CFAP65: variants seen among roughly 807,000 people sequenced by gnomAD.
CFAP65 encodes the protein cilia and flagella associated protein 65.
Under a neutral mutation model 208.0 loss-of-function variants are expected in CFAP65, and 155 were observed. That is an observed-to-expected ratio of 0.75 (90% CI 0.65 to 0.85). CFAP65 has a LOEUF of 0.85. CFAP65 is among the 40% of genes least tolerant of loss of function. CFAP65 has a pLI of 0.00. For synonymous variants in CFAP65, 970 were observed against 986.3 expected, an observed-to-expected ratio of 0.98 and a Z score of 0.31; for missense variants, 2,294 against 2,451.3, an observed-to-expected ratio of 0.94 and a Z score of 1.36.
At chr2:219,035,051 G>A (rs1182587630) in intron 5 of CFAP65, 1 of 325,346 alleles carries the variant, frequency 3.1e-6, no homozygotes, top group Admixed American at 4.7e-5. Flanking sequence ...GCAAGGTGGT[G>A]GAATAGAAGG....
chr2:219,017,432 G>A (rs1946972644), intron 21 of CFAP65, among the ~76,000 whole-genome samples: 1 of 152,218 alleles, frequency 6.6e-6, no homozygotes, highest in Non-Finnish European at 1.5e-5. Context: ...GACAGGCCTT[G>A]GCAGGAATAA....
intron 20 of CFAP65, 53 bp downstream of exon 20, chr2:219,019,453 T>C (rs764476698): frequency 5.3e-5 from 77 of 1,463,508 alleles, no homozygotes; most frequent in Non-Finnish European, 7.2e-5. Flanking sequence ...TCCATGAACA[T>C]CCCTAGATAG....
At position 219,031,953 on chromosome 2, in the gene CFAP65, C is replaced by T. The variant is rs4610047; in HGVS notation, c.646-295G>A. ...TTTTTTTTTTTTTTTTTGAGTCTCG[C>T]TCTGTCACCCAGGCTGGAGTGCAGT... On this transcript the variant is annotated intron_variant, in intron 6 of 34. Transcript: ENST00000341552. This position sits in a 1 kb window ranked among gnomAD's most constrained non-coding sequence, Gnocchi z 5.2. Among the ~76,000 whole-genome samples the T allele has an allele frequency of 0.089, 12,689 of 143,088 alleles. 564 individuals carry two copies. Among genetic ancestry groups the T allele is most frequent in the East Asian group, 0.15 (723 of 4,940 alleles). 93.9% of individuals were successfully genotyped at this position (143,088 alleles called of 152,430 possible).
At chr2:219,022,130 C>A (rs1947304345) in intron 17 of CFAP65, 41 bp downstream of exon 17, 1 of 1,528,474 alleles carries the variant, frequency 6.5e-7, no homozygotes, top group East Asian at 2.3e-5. Context: ...CCTGTCCGGG[C>A]CTCTCCCCCA....
Position 219,028,241 on chromosome 2 carries a change from A to G in CFAP65, c.1811T>C (p.Leu604Pro). Reference protein sequence around the residue: ...ILDAMLKEKKLAQDQNGALMI... With the variant: ...ILDAMLKEKKPAQDQNGALMI... ...GAGAGCCCCGTTCTGGTCCTGTGCC[A>G]GCTTCTTCTCCTTCAGCATGGCATC... Residue 604 changes from leucine (L) to proline (P), a missense_variant, in exon 12 of 35, where the codon CTG becomes CCG. This residue lies in a region of CFAP65 where 867 missense variants were observed against 1,012.6 expected (regional missense o/e 0.86). Transcript: ENST00000341552. The G allele has an allele frequency of 1.9e-6, 3 of 1,614,098 alleles. No individual in the cohort carries two copies. The highest frequency in any genetic ancestry group is 2.5e-6 in the Non-Finnish European group (3 of 1,179,990).
Position 219,031,951 on chromosome 2 carries a change from C to T in CFAP65, c.646-293G>A, listed in dbSNP as rs1358266260. Among the ~76,000 whole-genome samples the T allele has an allele frequency of 1.4e-5, 2 of 139,568 alleles. No individual in the cohort carries two copies. Among genetic ancestry groups the T allele is most frequent in the East Asian group, 2.1e-4 (1 of 4,786 alleles). 91.6% of individuals were successfully genotyped at this position (139,568 alleles called of 152,430 possible). A position where few individuals can be genotyped will look rare whatever the true frequency, so the allele number is the denominator to read the frequency against. On this transcript the variant is annotated intron_variant, in intron 6 of 34. Coordinates refer to ENST00000341552, the MANE Select transcript of CFAP65 (RefSeq NM_194302.4). This position sits in a 1 kb window ranked among gnomAD's most constrained non-coding sequence, Gnocchi z 5.2. ...TTTTTTTTTTTTTTTTTTTGAGTCT[C>T]GCTCTGTCACCCAGGCTGGAGTGCA...
chr2:219,037,340 T>C (rs1948426343), intron 4 of CFAP65, among the ~76,000 whole-genome samples: 1 of 152,124 alleles, frequency 6.6e-6, no homozygotes, highest in Non-Finnish European at 1.5e-5. Flanking sequence ...TGCAGTGAGC[T>C]GAGATTGCAC....
At chr2:219,035,011 G>A (rs1321838508) in intron 5 of CFAP65, 8 of 260,112 alleles carry the variant, frequency 3.1e-5, no homozygotes, top group South Asian at 1.9e-4. Context: ...CTACTCCTGC[G>A]TCTATTCCCC....
chr2:219,006,833 C>CAAAA (rs752764154), intron 29 of CFAP65, among the ~76,000 whole-genome samples: 48 of 76,442 alleles, frequency 6.3e-4, no homozygotes, highest in African/African-American at 2.1e-3. Flanking sequence ...GACTCTGTCT[C>CAAAA]AAAAAAAAAA....
chr2:219,028,582 A>G (rs1024249743), intron 11 of CFAP65, among the ~76,000 whole-genome samples, 181 bp from the exon 12 acceptor site: 2 of 152,072 alleles, frequency 1.3e-5, no homozygotes, highest in African/African-American at 4.8e-5. Flanking sequence ...GCACAGCAGG[A>G]GTCCAGGGAA....
chr2:219,007,291 A>G (rs1376957487), intron 29 of CFAP65, among the ~76,000 whole-genome samples: 1 of 151,072 alleles, frequency 6.6e-6, no homozygotes, highest in African/African-American at 2.4e-5. Context: ...CTCCCAACTC[A>G]GCCTCCCAAG....
chr2:219,021,117 C>T (rs201572810), intron 19 of CFAP65, 35 bp downstream of exon 19: 54 of 1,473,432 alleles, frequency 3.7e-5, no homozygotes, highest in East Asian at 7.5e-5. Context: ...TGCATTTCCC[C>T]GGCCCCGACT....
chr2:219,037,284 T>C (rs1238711810), intron 4 of CFAP65, among the ~76,000 whole-genome samples: 1 of 152,052 alleles, frequency 6.6e-6, no homozygotes, highest in Non-Finnish European at 1.5e-5. Context: ...CCCAGCTACT[T>C]GGGAGGCTGA....
Position 219,029,409 on chromosome 2 carries a change from G to A in CFAP65, c.1644C>T (p.His548=). 6.2e-7 allele frequency: 1 copy of A among 1,612,334 alleles called. No individual in the cohort carries two copies. Residue 548 remains histidine, a synonymous_variant, in exon 11 of 35, where the codon CAC becomes CAT. Transcript: ENST00000341552. Reference sequence around the variant, plus strand: ...TGCCCTCCCCACGACTCACCTGGTGGTGGATGAGACAGGCCACACGCCGAA... The same window carrying A: ...TGCCCTCCCCACGACTCACCTGGTGATGGATGAGACAGGCCACACGCCGAA... ...ICFRRVACLI[H]HQDPLFLDLM...
chr2:219,023,991 A>G lies in CFAP65; in HGVS notation c.2595+24T>C, dbSNP rs1427738419. On this transcript the variant is annotated intron_variant, in intron 15 of 34. Coordinates refer to ENST00000341552, the MANE Select transcript of CFAP65 (RefSeq NM_194302.4). The stretch of plus-strand genomic sequence containing the variant: ...GATTATGGCCCATTCCCAAGGACCC[A>G]GGTCCCCTCCCTCTGCCTCCTACCT... The G allele has an allele frequency of 1.9e-6, 3 of 1,605,886 alleles. No individual in the cohort carries two copies. In the African/African-American group the frequency reaches 4.0e-5, roughly 21 times the overall value.
chr2:219,014,064 C>T lies in CFAP65; in HGVS notation c.3603-20G>A. The T allele has an allele frequency of 6.3e-7, 1 of 1,583,330 alleles. No individual in the cohort carries two copies. The highest frequency in any genetic ancestry group is 8.6e-7 in the Non-Finnish European group (1 of 1,162,638). ...AAGGCCCTGGGAGAGGGGTGCAAAGCCATACAAAGAAACTGGTCAGGCAGA... is the reference window on the plus strand; with the variant it reads ...AAGGCCCTGGGAGAGGGGTGCAAAGTCATACAAAGAAACTGGTCAGGCAGA... On this transcript the variant is annotated intron_variant, in intron 21 of 34. Coordinates refer to ENST00000341552, the MANE Select transcript of CFAP65 (RefSeq NM_194302.4).
chr2:219,027,142 C>A (rs1376245302), intron 13 of CFAP65: 1 of 1,131,956 alleles, frequency 8.8e-7, no homozygotes, highest in African/African-American at 1.6e-5. Flanking sequence ...GAGGGGGCAC[C>A]ACGCATCTGG....
In CFAP65 at chr2:219,032,380, G is replaced by C. The variant is rs1948108300; in HGVS notation, c.645+90C>G. 2.6e-6 allele frequency: 3 copies of C among 1,143,700 alleles called. No individual in the cohort carries two copies. The highest frequency in any genetic ancestry group is 3.7e-6 in the Non-Finnish European group (3 of 802,852). 70.8% of individuals were successfully genotyped at this position (1,143,700 alleles called of 1,614,324 possible). ...GAGCGGGCAGCATGTGTGTGTGCCGGGGCGCTCCTGGTTGCTCTGTCCTGT... is the reference window on the plus strand; with the variant it reads ...GAGCGGGCAGCATGTGTGTGTGCCGCGGCGCTCCTGGTTGCTCTGTCCTGT... On this transcript the variant is annotated intron_variant, in intron 6 of 34. Transcript: ENST00000341552. The surrounding 1 kb of genome is among the most constrained non-coding windows in gnomAD (Gnocchi z 5.5).
rs765779806 is a variant in CFAP65 at position 219,021,887 on chromosome 2, C to T, written c.3023G>A (p.Ser1008Asn). 1 of 1,613,842 alleles carries T rather than the reference C, an allele frequency of 6.2e-7. No individual in the cohort carries two copies. Among genetic ancestry groups the T allele is most frequent in the Non-Finnish European group, 8.5e-7 (1 of 1,180,028 alleles). The change falls in exon 18 of 35, where the codon AGC becomes AAC. Residue 1008 changes from serine to asparagine, a missense_variant. Around this residue, in one of 2 missense-constraint regions of CFAP65, gnomAD observed 1,427 missense variants for 1,438.7 expected, o/e 0.99. Transcript: ENST00000341552. ...ELAFGNVLVN[S>N]KQSRFLVLLN... Reference sequence around the variant, plus strand: ...GAGGACAAGGAACCTGGACTGCTTGCTGTTCACCAGCACATTCCCAAAGGC... The same window carrying T: ...GAGGACAAGGAACCTGGACTGCTTGTTGTTCACCAGCACATTCCCAAAGGC...
Sources: allele counts gnomAD v4.1 joint callset (sites outside exome capture counted in the v4.1 genomes callset), GRCh38; gene constraint gnomAD v4.1.1; regional missense constraint gnomAD v4.1.1; non-coding constraint Gnocchi (gnomAD v3.1); transcripts MANE v1.5; gene names NCBI Gene and HGNC (gene_info 2026-07-23, HGNC 2026-07-21).